The following WNT7A variants were observed in gnomAD, a reference collection of about 807,000 sequenced individuals.
WNT7A encodes the protein Wnt family member 7A.
In WNT7A, 16 loss-of-function variants were observed where a neutral mutation model predicts 28.2. The observed-to-expected ratio is 0.57, with a 90% CI of 0.38 to 0.86. The LOEUF (loss-of-function observed/expected upper bound fraction) is 0.86. WNT7A is among the 40% of genes least tolerant of loss of function. WNT7A has a pLI of 0.00. For missense variants in WNT7A, 411 were observed against 489.7 expected (o/e 0.84, Z 1.52); for synonymous variants, 190 against 195.9 (o/e 0.97, Z 0.25).
chr3:13,849,573 A>G (rs1694595697), intron 3 of WNT7A, among the ~76,000 whole-genome samples: 1 of 152,150 alleles, frequency 6.6e-6, no homozygotes, highest in South Asian at 2.1e-4. Context: ...TTAGGCCATC[A>G]CTACCCTGTG....
At chr3:13,875,617 G>A (rs1159055920) in intron 1 of WNT7A, among the ~76,000 whole-genome samples, 1 of 152,096 alleles carries the variant, frequency 6.6e-6, no homozygotes, top group Non-Finnish European at 1.5e-5. Flanking sequence ...TGCAGCAGGT[G>A]CCTTTGAAGG....
chr3:13,819,913 TTA>T (rs2124824553), intron 3 of WNT7A, among the ~76,000 whole-genome samples: 1 of 152,368 alleles, frequency 6.6e-6, no homozygotes, highest in East Asian at 1.9e-4. Flanking sequence ...CATATTTTGC[TTA>T]CCTTTGTTTT....
intron 2 of WNT7A, among the ~76,000 whole-genome samples, chr3:13,868,987 A>G (rs1250529400): frequency 1.3e-5 from 2 of 149,778 alleles, no homozygotes; most frequent in Admixed American, 6.6e-5. Context: ...AAAGAGAAAG[A>G]AAAAGAGAAA....
chr3:13,844,926 G>C (rs978484947), intron 3 of WNT7A, among the ~76,000 whole-genome samples: 3 of 151,998 alleles, frequency 2.0e-5, no homozygotes, highest in Admixed American at 1.3e-4. Flanking sequence ...CCCTCTTCCC[G>C]GCAGATTTGA....
At chr3:13,877,970 C>T (rs1695134669) in intron 1 of WNT7A, among the ~76,000 whole-genome samples, 1 of 152,208 alleles carries the variant, frequency 6.6e-6, no homozygotes, top group African/African-American at 2.4e-5. Flanking sequence ...GAGACTTCAC[C>T]CCTCATGTCC....
chr3:13,818,723 G>T lies in WNT7A; in HGVS notation c.*221C>A. 1.6e-6 allele frequency: 1 copy of T among 626,306 alleles called. No individual in the cohort carries two copies. Among genetic ancestry groups the T allele is most frequent in the Non-Finnish European group, 2.5e-6 (1 of 400,124 alleles). The allele number at this position is 626,306 out of a possible 1,614,324, so 38.8% of individuals were successfully genotyped here. A position where few individuals can be genotyped will look rare whatever the true frequency, so the allele number is the denominator to read the frequency against. Reference sequence around the variant, plus strand: ...CTCCAGCCGCGGAGGGACCTGGGCTGTGTCTGGGGGAGGGTGGAGCAGCAT... The same window carrying T: ...CTCCAGCCGCGGAGGGACCTGGGCTTTGTCTGGGGGAGGGTGGAGCAGCAT... On this transcript the variant is annotated 3_prime_UTR_variant, in exon 4 of 4. Coordinates refer to ENST00000285018, the MANE Select transcript of WNT7A (RefSeq NM_004625.4).
At chr3:13,859,982 A>T (rs1277829656) in intron 2 of WNT7A, among the ~76,000 whole-genome samples, 1 of 152,112 alleles carries the variant, frequency 6.6e-6, no homozygotes, top group Non-Finnish European at 1.5e-5. Context: ...CCAGCCCCTT[A>T]TAGCCCATCT....
intron 3 of WNT7A, among the ~76,000 whole-genome samples, chr3:13,825,569 C>T (rs1347922758): frequency 1.3e-5 from 2 of 152,236 alleles, no homozygotes; most frequent in African/African-American, 2.4e-5. Flanking sequence ...TAACAATTGA[C>T]AAATCCTGAA....
rs372031362 is a variant in WNT7A, at chr3:13,879,788, C to A, written c.29G>T (p.Gly10Val). 1 of 1,612,382 alleles carries A rather than the reference C, an allele frequency of 6.2e-7. No homozygotes were observed. Among genetic ancestry groups the A allele is most frequent in the Non-Finnish European group, 8.5e-7 (1 of 1,179,088 alleles). The change falls in exon 1 of 4, where the codon GGC (glycine) becomes GTC (valine). Residue 10 changes from glycine to valine, a missense_variant. Physicochemically the swap from Gly to Val is moderately radical, Grantham distance 109. Coordinates refer to ENST00000285018, the MANE Select transcript of WNT7A (RefSeq NM_004625.4). MNRKARRCL[G>V]HLFLSLGMVY... Reference sequence around the variant, plus strand: ...CATGCCCAGGCTGAGAAAGAGGTGGCCCAGGCAGCGCCGCGCTTTCCGGTT... The same window carrying A: ...CATGCCCAGGCTGAGAAAGAGGTGGACCAGGCAGCGCCGCGCTTTCCGGTT...
chr3:13,851,118 G>A (rs115012158), intron 3 of WNT7A, among the ~76,000 whole-genome samples: 360 of 152,174 alleles, frequency 2.4e-3, no homozygotes, highest in Non-Finnish European at 4.2e-3. Context: ...CTCCCCAGCC[G>A]TGCGCCCCGA....
chr3:13,848,925 C>T (rs780540477), intron 3 of WNT7A, among the ~76,000 whole-genome samples: 5 of 152,092 alleles, frequency 3.3e-5, no homozygotes, highest in Admixed American at 1.3e-4. Context: ...GTAAAGGAAC[C>T]GGCTACTGAT....
In WNT7A at chr3:13,816,692, C is replaced by T. The variant is rs1694008437; in HGVS notation, c.*2252G>A. 6.6e-6 allele frequency: 1 copy of T among 152,238 alleles called. No homozygotes were observed. Among genetic ancestry groups the T allele is most frequent in the Non-Finnish European group, 1.5e-5 (1 of 68,028 alleles). The allele number at this position is 152,238 out of a possible 1,614,324, so 9.4% of individuals were successfully genotyped here. A position where few individuals can be genotyped will look rare whatever the true frequency, so the allele number is the denominator to read the frequency against. On this transcript the variant is annotated 3_prime_UTR_variant, in exon 4 of 4. Transcript: ENST00000285018. ...GGTGTACCTACCTCATCAACCCACC[C>T]TCATCCACCCACCCACTTTCCTAGC...
intron 2 of WNT7A, among the ~76,000 whole-genome samples, chr3:13,864,132 A>G (rs1694874535): frequency 6.6e-6 from 1 of 152,156 alleles, no homozygotes; most frequent in Non-Finnish European, 1.5e-5. Context: ...CATCCCCAGG[A>G]GCACATGGCG....
intron 2 of WNT7A, among the ~76,000 whole-genome samples, chr3:13,865,218 A>G (rs940637829): frequency 1.3e-5 from 2 of 152,172 alleles, no homozygotes; most frequent in African/African-American, 4.8e-5. Flanking sequence ...ACATTTCAGC[A>G]CCTTTAATAT....
rs117187350 is a variant in WNT7A, at chr3:13,833,567, C to T, written c.571-14144G>A. On this transcript the variant is annotated intron_variant, in intron 3 of 3. Transcript: ENST00000285018. ...ACAGTGCAGCACCACACAGTGCAGC[C>T]TCTCCTAGATGCATTCTGGGTGCCT... is the stretch of plus-strand genomic sequence containing the variant. Among the ~76,000 whole-genome samples, 129 of 152,340 alleles carry T rather than the reference C, an allele frequency of 8.5e-4. 3 individuals are homozygous for T. The East Asian group carries it at 0.02, about 23-fold the overall frequency.
chr3:13,849,088 G>A (rs1694588378), intron 3 of WNT7A, among the ~76,000 whole-genome samples: 1 of 152,214 alleles, frequency 6.6e-6, no homozygotes, highest in African/African-American at 2.4e-5. Flanking sequence ...GGATTCGGAA[G>A]GGGAAGGGAA....
At chr3:13,873,972 T>C (rs1432241829) in intron 2 of WNT7A, among the ~76,000 whole-genome samples, 1 of 152,148 alleles carries the variant, frequency 6.6e-6, no homozygotes, top group Non-Finnish European at 1.5e-5. Context: ...AGCAGCGCAG[T>C]GACATGATCT....
In WNT7A at chr3:13,866,390, C is replaced by T. The variant is rs78984528; in HGVS notation, c.298+8557G>A. On this transcript the variant is annotated intron_variant, in intron 2 of 3. Transcript: ENST00000285018. Reference sequence around the variant, plus strand: ...GTGGGAATGGTGCCATTATCACTCCCGTTTGGTCAAGGCCCACTGTTGGTA... The same window carrying T: ...GTGGGAATGGTGCCATTATCACTCCTGTTTGGTCAAGGCCCACTGTTGGTA... Among the ~76,000 whole-genome samples, 523 of 152,354 alleles carry T rather than the reference C, an allele frequency of 3.4e-3. 3 individuals are homozygous for T. Among genetic ancestry groups the T allele is most frequent in the African/African-American group, 0.012 (494 of 41,576 alleles).
At chr3:13,872,435 A>G (rs546423128) in intron 2 of WNT7A, among the ~76,000 whole-genome samples, 5 of 152,198 alleles carry the variant, frequency 3.3e-5, no homozygotes, top group African/African-American at 9.6e-5. Context: ...AGTCACTCCC[A>G]CACTCAAAAT....
Sources: allele counts gnomAD v4.1 joint callset (sites outside exome capture counted in the v4.1 genomes callset), GRCh38; gene constraint gnomAD v4.1.1; transcripts MANE v1.5; gene names NCBI Gene and HGNC (gene_info 2026-07-23, HGNC 2026-07-21).